The following PDZD2 variants were observed in gnomAD, a reference collection of about 807,000 sequenced individuals.
PDZD2 encodes PDZ domain-containing protein 2.
In PDZD2, 90 loss-of-function variants were observed where a neutral mutation model predicts 220.7. The observed-to-expected ratio is 0.41, with a 90% CI of 0.34 to 0.49. The LOEUF is 0.49. Among genes scored for constraint, PDZD2 ranks in the 20% least tolerant of loss-of-function variants. PDZD2 has a pLI of 0.28. For missense variants in PDZD2, 3,174 were observed against 3,608.5 expected (o/e 0.88, Z 3.08); for synonymous variants, 1,375 against 1,450.5 (o/e 0.95, Z 1.18).
At chr5:31,813,120 G>A (rs975209255) in intron 2 of PDZD2, among the ~76,000 whole-genome samples, 1 of 152,058 alleles carries the variant, frequency 6.6e-6, no homozygotes, top group Non-Finnish European at 1.5e-5. Flanking sequence ...AATACTTGAC[G>A]ACATCAGACC....
At chr5:31,791,791 C>T (rs1477202839) in intron 1 of PDZD2, among the ~76,000 whole-genome samples, 1 of 152,082 alleles carries the variant, frequency 6.6e-6, no homozygotes, top group Non-Finnish European at 1.5e-5. Context: ...CTTTCAAGTC[C>T]TTAACGTCTG....
Position 32,074,013 on chromosome 5 carries a change from T to G in PDZD2, c.2907T>G (p.Asp969Glu), listed in dbSNP as rs976709579. ...AGGTAGGCTGCTACGATGCCAACGATGCCAGTGATGAGGAAGAGTTTGACA... is the reference window on the plus strand; with the variant it reads ...AGGTAGGCTGCTACGATGCCAACGAGGCCAGTGATGAGGAAGAGTTTGACA... ...QRKVGCYDANDASDEEEFDRE... is the reference protein window; with the variant it reads ...QRKVGCYDANEASDEEEFDRE... Residue 969 changes from aspartate to glutamate, a missense_variant, in exon 18 of 25, where the codon GAT becomes GAG. Asp to Glu is a conservative substitution (Grantham distance 45). This residue lies in a region of PDZD2 where 1,861 missense variants were observed against 2,001.0 expected (regional missense o/e 0.93). Coordinates refer to ENST00000438447, the MANE Select transcript of PDZD2 (RefSeq NM_178140.4). The G allele has an allele frequency of 7.4e-6, 12 of 1,614,020 alleles. No homozygotes were observed. The highest frequency in any genetic ancestry group is 9.3e-6 in the Non-Finnish European group (11 of 1,180,040).
At chr5:31,659,450 A>G (rs1745680607) in intron 1 of PDZD2, among the ~76,000 whole-genome samples, 1 of 151,880 alleles carries the variant, frequency 6.6e-6, no homozygotes, top group South Asian at 2.1e-4. Context: ...CCAGAGTAAC[A>G]ATGTCCCAAG....
At chr5:32,037,890 A>G (rs10041248) in intron 7 of PDZD2, among the ~76,000 whole-genome samples, 3,627 of 151,022 alleles carry the variant, frequency 0.024, 151 homozygotes, top group African/African-American at 0.084. Context: ...CACCCAGGCT[A>G]AAGTGCAGTG....
At chr5:31,768,298 T>C (rs968387421) in intron 1 of PDZD2, among the ~76,000 whole-genome samples, 37 of 152,250 alleles carry the variant, frequency 2.4e-4, no homozygotes, top group African/African-American at 8.9e-4. Flanking sequence ...CAGGGCGATA[T>C]TCTGGATGCT....
intron 3 of PDZD2, among the ~76,000 whole-genome samples, chr5:31,990,997 G>A (rs1350385892): frequency 2.6e-5 from 4 of 152,182 alleles, no homozygotes; most frequent in Admixed American, 6.5e-5. Context: ...TGTTCCCAGG[G>A]AAGAACCAGC....
chr5:31,857,934 C>A (rs913879364), intron 2 of PDZD2, among the ~76,000 whole-genome samples: 3 of 152,172 alleles, frequency 2.0e-5, no homozygotes, highest in Non-Finnish European at 2.9e-5. Flanking sequence ...TCAAGTGATT[C>A]TCCTGCCTCA....
In PDZD2 at chr5:31,937,362, G is replaced by T. The variant is rs1039227005; in HGVS notation, c.477-45793G>T. ...ACGTCAGAGGTAGGTGGAGAATTTTGTTTCGGTAGAATAGCCCAGCCTGAA... is the reference window on the plus strand; with the variant it reads ...ACGTCAGAGGTAGGTGGAGAATTTTTTTTCGGTAGAATAGCCCAGCCTGAA... On this transcript the variant is annotated intron_variant, in intron 2 of 24. Transcript: ENST00000438447. 4.6e-5 allele frequency among the ~76,000 whole-genome samples: 7 copies of T among 152,290 alleles called. 1 individual carries two copies. Among genetic ancestry groups the T allele is most frequent in the African/African-American group, 1.7e-4 (7 of 41,558 alleles).
At chr5:31,683,048 G>A (rs887543767) in intron 1 of PDZD2, among the ~76,000 whole-genome samples, 1 of 151,860 alleles carries the variant, frequency 6.6e-6, no homozygotes, top group African/African-American at 2.4e-5. Flanking sequence ...CCTGCCATCT[G>A]GTGTTTGCTA....
Position 32,074,339 on chromosome 5 carries a change from T to C in PDZD2, c.3233T>C (p.Leu1078Pro). The part of the protein sequence containing the change: ...GSPGSWWKKE[L>P]SGSSSAPKLE... ...CCTGGAAGCTGGTGGAAGAAGGAAC[T>C]GTCAGGATCAAGTAGCGCACCCAAA... Residue 1078 changes from leucine to proline, a missense_variant, in exon 18 of 25, where the codon CTG becomes CCG. By Grantham distance (98) the Leu-to-Pro change is moderately conservative. Around this residue, in one of 4 missense-constraint regions of PDZD2, gnomAD observed 1,861 missense variants for 2,001.0 expected, o/e 0.93. Coordinates refer to ENST00000438447, the MANE Select transcript of PDZD2 (RefSeq NM_178140.4). 1 of 1,614,148 alleles carries C rather than the reference T, an allele frequency of 6.2e-7. No individual in the cohort carries two copies. The highest frequency in any genetic ancestry group is 8.5e-7 in the Non-Finnish European group (1 of 1,180,022).
At chr5:32,018,987 G>A (rs1030777918) in intron 6 of PDZD2, among the ~76,000 whole-genome samples, 2 of 152,134 alleles carry the variant, frequency 1.3e-5, no homozygotes, top group Non-Finnish European at 2.9e-5. Context: ...AGTTACTTGG[G>A]CGAGATGAAT....
chr5:32,000,039 A>C lies in PDZD2; in HGVS notation c.1122-100A>C. 1 of 1,008,972 alleles carries C rather than the reference A, an allele frequency of 9.9e-7. No individual in the cohort carries two copies. The highest frequency in any genetic ancestry group is 1.5e-6 in the Non-Finnish European group (1 of 666,248). The allele number at this position is 1,008,972 out of a possible 1,614,324, so 62.5% of individuals were successfully genotyped here. The stretch of plus-strand genomic sequence containing the variant: ...ACAGTATCCTCTTTAGCCCAATCTT[A>C]ACCGTCCCTCCTCACAACCCTCCCT... On this transcript the variant is annotated intron_variant, in intron 4 of 24. Coordinates refer to ENST00000438447, the MANE Select transcript of PDZD2 (RefSeq NM_178140.4). The surrounding 1 kb of genome is among the most constrained non-coding windows in gnomAD (Gnocchi z 4.5).
intron 1 of PDZD2, among the ~76,000 whole-genome samples, chr5:31,720,000 G>A (rs748405083): frequency 2.2e-4 from 33 of 152,232 alleles, no homozygotes; most frequent in African/African-American, 4.1e-4. Context: ...CAGGCAATGC[G>A]CTGCCCCAGT....
Position 32,098,389 on chromosome 5 carries a change from C to A in PDZD2, c.7973C>A (p.Ala2658Glu). The stretch of plus-strand genomic sequence containing the variant: ...GTCCACAGGGTGTTTTCTCAGGGGG[C>A]GGCTTCTCAGGAAGGGACTATGAAC... ...ITVHRVFSQG[A>E]ASQEGTMNRG... The change falls in exon 23 of 25, where the codon GCG (alanine) becomes GAG (glutamate). Residue 2658 changes from alanine to glutamate, a missense_variant. Around this residue, in one of 4 missense-constraint regions of PDZD2, gnomAD observed 631 missense variants for 789.9 expected, o/e 0.80. Coordinates refer to ENST00000438447, the MANE Select transcript of PDZD2 (RefSeq NM_178140.4). The surrounding 1 kb of genome is among the most constrained non-coding windows in gnomAD (Gnocchi z 4.1). 6.2e-7 allele frequency: 1 copy of A among 1,614,060 alleles called. No homozygotes were observed. The highest frequency in any genetic ancestry group is 8.5e-7 in the Non-Finnish European group (1 of 1,179,964).
intron 1 of PDZD2, among the ~76,000 whole-genome samples, chr5:31,670,044 C>T (rs1250050132): frequency 3.9e-5 from 6 of 152,126 alleles, no homozygotes; most frequent in Non-Finnish European, 7.3e-5. Flanking sequence ...TAGGAAGCAG[C>T]GGGTGAGGAA....
intron 7 of PDZD2, among the ~76,000 whole-genome samples, chr5:32,041,913 A>AG (rs1048625029): frequency 2.0e-5 from 3 of 150,854 alleles, no homozygotes; most frequent in South Asian, 2.1e-4. Context: ...GAAAGCAAAA[A>AG]AAAAAAAAAA....
intron 2 of PDZD2, among the ~76,000 whole-genome samples, chr5:31,977,016 AGTTTT>A (rs1307445044): frequency 1.4e-5 from 2 of 143,810 alleles, no homozygotes; most frequent in Admixed American, 6.8e-5. Context: ...GCGCCTGGCC[AGTTTT>A]GTTTTTTTTT....
At chr5:32,048,717 C>T (rs1278998311) in intron 8 of PDZD2, 33 bp downstream of exon 8, 1 of 1,609,556 alleles carries the variant, frequency 6.2e-7, no homozygotes, top group African/African-American at 1.3e-5. Context: ...TTTCAAAGAC[C>T]ATAAGGGCTT....
intron 2 of PDZD2, among the ~76,000 whole-genome samples, chr5:31,904,505 A>G (rs1162192174): frequency 6.6e-6 from 1 of 152,150 alleles, no homozygotes; most frequent in Non-Finnish European, 1.5e-5. Flanking sequence ...GTCACTGGAA[A>G]TCAATACTTG....
Sources: allele counts gnomAD v4.1 joint callset (sites outside exome capture counted in the v4.1 genomes callset), GRCh38; gene constraint gnomAD v4.1.1; regional missense constraint gnomAD v4.1.1; non-coding constraint Gnocchi (gnomAD v3.1); transcripts MANE v1.5; gene names NCBI Gene and HGNC (gene_info 2026-07-23, HGNC 2026-07-21).